The following PTGIS variants were observed in gnomAD, a reference collection of about 807,000 sequenced individuals.
PTGIS encodes the protein prostaglandin I2 synthase.
PTGIS carries 45 observed loss-of-function variants against 50.3 expected under a neutral mutation model. That is an observed-to-expected ratio of 0.90 (90% CI 0.70 to 1.15). The LOEUF (loss-of-function observed/expected upper bound fraction) is 1.15, where lower values mean the gene tolerates loss of function less well. Among genes scored for constraint, PTGIS ranks in the 50% most tolerant of loss-of-function variants. The pLI, the probability that PTGIS is intolerant of heterozygous loss-of-function variation, is 0.00. For synonymous variants in PTGIS, 260 were observed against 267.7 expected, an observed-to-expected ratio of 0.97 and a Z score of 0.28; for missense variants, 668 against 661.3, an observed-to-expected ratio of 1.01 and a Z score of -0.11.
chr20:49,540,448 C>A lies in PTGIS; in HGVS notation c.522-727G>T, dbSNP rs542187769. On this transcript the variant is annotated intron_variant, in intron 4 of 9. Transcript: ENST00000244043. This position sits in a 1 kb window ranked among gnomAD's most constrained non-coding sequence, Gnocchi z 4.8. ...GGAGAGGTGCCAGCTGTGGCTGGTG[C>A]AGGCACTGGAGCCGGGGTGTGAGGC... 1.8e-4 allele frequency among the ~76,000 whole-genome samples: 28 copies of A among 151,740 alleles called. No homozygotes were observed. The highest frequency in any genetic ancestry group is 6.5e-4 in the African/African-American group (27 of 41,380).
chr20:49,508,599 C>T (rs1227831230), intron 9 of PTGIS, among the ~76,000 whole-genome samples: 1 of 152,224 alleles, frequency 6.6e-6, no homozygotes, highest in Non-Finnish European at 1.5e-5. Flanking sequence ...GCCGCCTTTC[C>T]CCACACTCCT....
chr20:49,524,431 T>C (rs772307665), intron 5 of PTGIS, among the ~76,000 whole-genome samples, 192 bp from the exon 6 acceptor site: 18 of 152,118 alleles, frequency 1.2e-4, no homozygotes, highest in Non-Finnish European at 2.1e-4. Flanking sequence ...TTGCTTATTA[T>C]CTGTCTTACC....
intron 8 of PTGIS, among the ~76,000 whole-genome samples, chr20:49,511,979 GGATA>G (rs1413312984): frequency 4.6e-5 from 7 of 152,066 alleles, no homozygotes; most frequent in South Asian, 2.1e-4. Flanking sequence ...GTAGATGGGT[GGATA>G]GATGGATGGA....
At chr20:49,510,211 G>A (rs1568667282) in intron 9 of PTGIS, among the ~76,000 whole-genome samples, 1 of 152,138 alleles carries the variant, frequency 6.6e-6, no homozygotes, top group South Asian at 2.1e-4. Context: ...ACACAGCAAG[G>A]TGATTTTAAG....
chr20:49,559,467 C>G (rs1362722941), intron 1 of PTGIS, among the ~76,000 whole-genome samples: 1 of 152,200 alleles, frequency 6.6e-6, no homozygotes, highest in Non-Finnish European at 1.5e-5. Flanking sequence ...GATCCAAGAA[C>G]CCTCTCTTGG....
At chr20:49,532,944 C>T (rs533063075) in intron 5 of PTGIS, among the ~76,000 whole-genome samples, 11 of 152,292 alleles carry the variant, frequency 7.2e-5, no homozygotes, top group Admixed American at 3.3e-4. Context: ...TCCATTATTA[C>T]GAGGTATTTC....
intron 7 of PTGIS, 50 bp from the exon 8 acceptor site, chr20:49,513,311 C>T (rs927717874): frequency 6.3e-7 from 1 of 1,577,502 alleles, no homozygotes. Context: ...CCTTCACCTG[C>T]TCATATGCCA....
intron 9 of PTGIS, 95 bp from the exon 10 acceptor site, chr20:49,508,159 G>T: frequency 2.1e-6 from 3 of 1,429,444 alleles, no homozygotes; most frequent in Non-Finnish European, 2.9e-6. Context: ...TCCTAAGTCT[G>T]ACTCCAACTT....
In PTGIS at chr20:49,540,735, C is replaced by T. The variant is rs961424967; in HGVS notation, c.522-1014G>A. ...CTTCACCTCCAGCCCCCTTTAAATG[C>T]CCCAGGAGTCCAGCCCCAGCCCAGC... On this transcript the variant is annotated intron_variant, in intron 4 of 9. Coordinates refer to ENST00000244043, the MANE Select transcript of PTGIS (RefSeq NM_000961.4). The surrounding 1 kb of genome is among the most constrained non-coding windows in gnomAD (Gnocchi z 4.8). Among the ~76,000 whole-genome samples the T allele has an allele frequency of 2.6e-5, 4 of 152,184 alleles. No homozygotes were observed. Among genetic ancestry groups the T allele is most frequent in the African/African-American group, 9.7e-5 (4 of 41,438 alleles).
At chr20:49,528,444 T>C (rs1369776351) in intron 5 of PTGIS, among the ~76,000 whole-genome samples, 2 of 152,080 alleles carry the variant, frequency 1.3e-5, no homozygotes, top group Non-Finnish European at 2.9e-5. Context: ...AAACCCCATC[T>C]CTAACAAAAA....
intron 4 of PTGIS, among the ~76,000 whole-genome samples, chr20:49,542,893 A>T (rs143769314): frequency 5.3e-5 from 8 of 152,198 alleles, no homozygotes; most frequent in African/African-American, 1.9e-4. Context: ...GTCAAATGGA[A>T]TATGTAAAGT....
chr20:49,521,979 C>T (rs1981663558), intron 6 of PTGIS, among the ~76,000 whole-genome samples: 1 of 152,144 alleles, frequency 6.6e-6, no homozygotes, highest in Non-Finnish European at 1.5e-5. Flanking sequence ...CCACAGTTTC[C>T]TCCTTGTTGC....
In PTGIS at chr20:49,525,056, T is replaced by C. The variant is rs533072833; in HGVS notation, c.674-817A>G. ...CCCATGTGCATGAGGAGGAGGCCAC[T>C]GTGAGCAGGCTCAGCACAGCAGCAA... is the stretch of plus-strand genomic sequence containing the variant. On this transcript the variant is annotated intron_variant, in intron 5 of 9. Transcript: ENST00000244043. Among the ~76,000 whole-genome samples the C allele has an allele frequency of 3.7e-4, 57 of 152,352 alleles. 1 individual carries two copies. In the South Asian group the frequency reaches 0.011, roughly 30 times the overall value.
At position 49,506,155 on chromosome 20, in the gene PTGIS, A is replaced by G. The variant is rs954688164; in HGVS notation, c.*1765T>C. 1.3e-5 allele frequency: 2 copies of G among 152,632 alleles called. No homozygotes were observed. Among genetic ancestry groups the G allele is most frequent in the Non-Finnish European group, 2.9e-5 (2 of 68,070 alleles). 9.5% of individuals were successfully genotyped at this position (152,632 alleles called of 1,614,324 possible). Reference sequence around the variant, plus strand: ...TGCAGAGTTCTACAGCTTATGAGCTATGTGGCCCCAGGCAAGTCACCTCAC... The same window carrying G: ...TGCAGAGTTCTACAGCTTATGAGCTGTGTGGCCCCAGGCAAGTCACCTCAC... On this transcript the variant is annotated 3_prime_UTR_variant, in exon 10 of 10. Transcript: ENST00000244043.
intron 1 of PTGIS, among the ~76,000 whole-genome samples, chr20:49,557,834 C>T (rs114224442): frequency 8.2e-4 from 125 of 152,262 alleles, no homozygotes; most frequent in African/African-American, 2.7e-3. Context: ...CATTGACTAT[C>T]GCCCTACCCG....
intron 1 of PTGIS, among the ~76,000 whole-genome samples, chr20:49,566,141 A>G (rs1982891345): frequency 6.6e-6 from 1 of 152,152 alleles, no homozygotes; most frequent in Admixed American, 6.5e-5. Context: ...GAGGCAGGAG[A>G]ATCACTTGAA....
In PTGIS at chr20:49,536,637, C is replaced by A. The variant is rs1317568913; in HGVS notation, c.673+2933G>T. ...CTGAGATTACAGGCGCCCACCACCA[C>A]GCCCAGCTAATTTTTTTGTATTTTT... On this transcript the variant is annotated intron_variant, in intron 5 of 9. Transcript: ENST00000244043. Among the ~76,000 whole-genome samples the A allele has an allele frequency of 3.9e-5, 6 of 152,016 alleles. No homozygotes were observed. In the South Asian group the frequency reaches 1.0e-3, roughly 26 times the overall value.
intron 4 of PTGIS, among the ~76,000 whole-genome samples, chr20:49,542,301 C>A (rs1431386842): frequency 3.3e-5 from 5 of 152,212 alleles, no homozygotes; most frequent in Admixed American, 6.5e-5. Flanking sequence ...ACCTCTGTGT[C>A]CCTCCCATCC....
At chr20:49,524,412 A>C (rs570768664) in intron 5 of PTGIS, among the ~76,000 whole-genome samples, 173 bp from the exon 6 acceptor site, 2 of 152,260 alleles carry the variant, frequency 1.3e-5, no homozygotes, top group East Asian at 3.9e-4. Flanking sequence ...AAGCCCTTTC[A>C]ATACCAAATT....
Sources: gnomAD v4.1 joint callset for allele counts (sites outside exome capture counted in the v4.1 genomes callset) on GRCh38, gnomAD v4.1.1 for gene constraint, Gnocchi (gnomAD v3.1) non-coding constraint, MANE v1.5 for transcripts, NCBI Gene and HGNC (gene_info 2026-07-23, HGNC 2026-07-21) for gene names.